The following ZNF469 variants were observed in gnomAD, a reference collection of about 807,000 sequenced individuals.
The protein encoded by ZNF469 is zinc finger protein 469.
ZNF469 carries 1 observed loss-of-function variant against 1.0 expected under a neutral mutation model. The observed-to-expected ratio is 1.00, with a 90% CI of 0.35 to 4.73. The LOEUF (loss-of-function observed/expected upper bound fraction) is 4.73. ZNF469 is among the 30% of genes most tolerant of loss of function. The pLI is 0.16. For synonymous variants in ZNF469, 2,703 were observed against 2,363.4 expected, an observed-to-expected ratio of 1.14 and a Z score of -4.17; for missense variants, 6,100 against 5,356.3, an observed-to-expected ratio of 1.14 and a Z score of -4.33.
upstream of ZNF469, among the ~76,000 whole-genome samples, chr16:88,381,067 C>T (rs2092522336): frequency 2.0e-5 from 3 of 149,644 alleles, no homozygotes; most frequent in Admixed American, 2.0e-4. Flanking sequence ...CTCTCACACA[C>T]AGGCATGCAC....
Position 88,388,214 on chromosome 16 carries a change from C to T in ZNF469, c.-192+4960C>T, listed in dbSNP as rs147964217. Among the ~76,000 whole-genome samples, 1,027 of 152,356 alleles carry T rather than the reference C, an allele frequency of 6.7e-3. 13 individuals carry two copies. Among genetic ancestry groups the T allele is most frequent in the African/African-American group, 0.024 (978 of 41,590 alleles). ...CGAGGGAGCTGTGCCCAGGGCTGCT[C>T]CTAACACTCCCCACCCTCAACCCCT... is the stretch of plus-strand genomic sequence containing the variant. On this transcript the variant is annotated intron_variant, in intron 1 of 2. Transcript: ENST00000565624.
At chr16:88,103,677 A>G in the ZNF469 span, among the ~76,000 whole-genome samples, 151,396 of 151,996 alleles carry the variant, frequency 1, 75,401 homozygotes, top group Middle Eastern at 1. Context: ...TGGGGGCGGT[A>G]GAATAATCCT....
chr16:88,371,182 C>T, the ZNF469 span, among the ~76,000 whole-genome samples: 36 of 152,366 alleles, frequency 2.4e-4, no homozygotes, highest in East Asian at 5.8e-3. Context: ...ACTGATAGAG[C>T]ATCCCACAGA....
At chr16:88,170,940 C>T in the ZNF469 span, among the ~76,000 whole-genome samples, 5 of 152,100 alleles carry the variant, frequency 3.3e-5, no homozygotes, top group African/African-American at 7.2e-5. The surrounding 1 kb of genome is among the most constrained non-coding windows in gnomAD (Gnocchi z 4.2). Context: ...CAGACTTCCC[C>T]GGGCTGCCAC....
At chr16:88,380,444 C>G (rs2092518642), upstream of ZNF469, among the ~76,000 whole-genome samples, 1 of 139,664 alleles carries the variant, frequency 7.2e-6, no homozygotes, top group African/African-American at 3.0e-5. Context: ...CATACACAGT[C>G]ACACACAGAC....
chr16:88,348,120 T>G, the ZNF469 span, among the ~76,000 whole-genome samples: 1 of 152,226 alleles, frequency 6.6e-6, no homozygotes, highest in Non-Finnish European at 1.5e-5. Flanking sequence ...CCCCTTCGCA[T>G]CTGTGTGCGT....
chr16:88,428,660 C>A lies in ZNF469; in HGVS notation c.1190C>A (p.Pro397His), dbSNP rs1403428109. ...GATGGGCTGGGGAGCACGAGAGGGC[C>A]CCCTAGCTCCCTACCCCAGAGGCAC... ...AQDGLGSTRGPPSSLPQRHFP... is the reference protein window; with the variant it reads ...AQDGLGSTRGHPSSLPQRHFP... The change falls in exon 3 of 3, where the codon CCC (proline) becomes CAC (histidine). Residue 397 changes from proline to histidine, a missense_variant. Physicochemically the swap from Pro to His is moderately conservative, Grantham distance 77. Transcript: ENST00000565624. The A allele has an allele frequency of 5.2e-6, 8 of 1,549,926 alleles. No individual in the cohort carries two copies. In the African/African-American group the frequency reaches 9.6e-5, roughly 19 times the overall value.
the ZNF469 span, among the ~76,000 whole-genome samples, chr16:88,342,638 A>G: frequency 2.3e-4 from 35 of 152,296 alleles, no homozygotes; most frequent in East Asian, 6.6e-3. Context: ...GGCTCTGAGC[A>G]GTGAGCCTTT....
the ZNF469 span, among the ~76,000 whole-genome samples, chr16:88,345,504 G>T: frequency 2.6e-5 from 4 of 152,144 alleles, no homozygotes; most frequent in Non-Finnish European, 5.9e-5. Context: ...CTGCACCAGG[G>T]CCCCTCTGTG....
chr16:88,301,342 G>A, the ZNF469 span, among the ~76,000 whole-genome samples: 2 of 152,100 alleles, frequency 1.3e-5, no homozygotes, highest in Non-Finnish European at 2.9e-5. Flanking sequence ...TTTTAGTAGA[G>A]ACGGGGTCTC....
the ZNF469 span, among the ~76,000 whole-genome samples, chr16:88,139,422 T>G: frequency 6.9e-6 from 1 of 145,860 alleles, no homozygotes; most frequent in African/African-American, 2.6e-5. Flanking sequence ...ATGAGGAAAA[T>G]TGCTGTGAAA....
In ZNF469 at chr16:88,428,518, G is replaced by A. The variant is rs568820656; in HGVS notation, c.1048G>A (p.Asp350Asn). The A allele has an allele frequency of 1.4e-5, 21 of 1,549,880 alleles. No individual in the cohort carries two copies. The highest frequency in any genetic ancestry group is 4.9e-5 in the East Asian group (2 of 40,896). ...GCCAGGTGGCCTGAACCGCCACAGCGACCTCAGTGGTGCCCTCTCTTCCCC... is the reference window on the plus strand; with the variant it reads ...GCCAGGTGGCCTGAACCGCCACAGCAACCTCAGTGGTGCCCTCTCTTCCCC... Reference protein sequence around the residue: ...GQPGGLNRHSDLSGALSSPGA... With the variant: ...GQPGGLNRHSNLSGALSSPGA... The change falls in exon 3 of 3, where the codon GAC becomes AAC. Residue 350 changes from aspartate (D) to asparagine (N), a missense_variant. Transcript: ENST00000565624.
At chr16:88,348,868 A>G in the ZNF469 span, among the ~76,000 whole-genome samples, 1 of 152,148 alleles carries the variant, frequency 6.6e-6, no homozygotes, top group Non-Finnish European at 1.5e-5. Context: ...GGCACTCGGC[A>G]TCACGCGTGG....
the ZNF469 span, among the ~76,000 whole-genome samples, chr16:88,306,160 C>T: frequency 6.6e-6 from 1 of 152,250 alleles, no homozygotes; most frequent in South Asian, 2.1e-4. Flanking sequence ...GGTTCAGAAG[C>T]AGCCTCCTGT....
At chr16:88,414,815 C>G (rs542509758) in intron 1 of ZNF469, among the ~76,000 whole-genome samples, 8 of 152,366 alleles carry the variant, frequency 5.3e-5, no homozygotes, top group African/African-American at 1.9e-4. Context: ...CGCAGGACAG[C>G]CCCGCCCAGA....
chr16:88,141,930 A>C, the ZNF469 span, among the ~76,000 whole-genome samples: 1 of 152,244 alleles, frequency 6.6e-6, no homozygotes, highest in African/African-American at 2.4e-5. Context: ...TCTGACCGCC[A>C]GAGCTGTGGG....
chr16:88,438,126 G>C lies in ZNF469; in HGVS notation c.10656G>C (p.Pro3552=). 6.5e-7 allele frequency: 1 copy of C among 1,550,354 alleles called. No individual in the cohort carries two copies. The highest frequency in any genetic ancestry group is 2.4e-5 in the East Asian group (1 of 40,920). ...ELPSNHQECP[P]PSLSPFPAAL... Reference sequence around the variant, plus strand: ...CATCCAACCACCAGGAGTGTCCCCCGCCGTCTCTGTCTCCCTTCCCAGCTG... The same window carrying C: ...CATCCAACCACCAGGAGTGTCCCCCCCCGTCTCTGTCTCCCTTCCCAGCTG... The change falls in exon 3 of 3, where the codon CCG becomes CCC. Residue 3552 remains proline, a synonymous_variant. Coordinates refer to ENST00000565624, the MANE Select transcript of ZNF469 (RefSeq NM_001367624.2).
At chr16:88,181,907 G>GT in the ZNF469 span, among the ~76,000 whole-genome samples, 1 of 152,230 alleles carries the variant, frequency 6.6e-6, no homozygotes, top group African/African-American at 2.4e-5. Flanking sequence ...AGGAAAAGAA[G>GT]TGAAAGGCAT....
chr16:88,177,087 C>A, the ZNF469 span, among the ~76,000 whole-genome samples: 1 of 152,192 alleles, frequency 6.6e-6, no homozygotes. The surrounding 1 kb of genome is among the most constrained non-coding windows in gnomAD (Gnocchi z 4.8). Flanking sequence ...GTTTGACTGA[C>A]AGGTGATAAT....
Sources: allele counts gnomAD v4.1 joint callset (sites outside exome capture counted in the v4.1 genomes callset), GRCh38; gene constraint gnomAD v4.1.1; non-coding constraint Gnocchi (gnomAD v3.1); transcripts MANE v1.5; gene names NCBI Gene and HGNC (gene_info 2026-07-23, HGNC 2026-07-21).